Variants in PASK observed in about 807,000 individuals in gnomAD.
PASK encodes PAS domain-containing serine/threonine-protein kinase.
Under a neutral mutation model 121.0 loss-of-function variants are expected in PASK, and 110 were observed. The observed-to-expected ratio is 0.91, with a 90% confidence interval of 0.78 to 1.06. The LOEUF (loss-of-function observed/expected upper bound fraction) is 1.06. PASK is among the 50% of genes least tolerant of loss of function. The pLI, the probability that PASK is intolerant of heterozygous loss-of-function variation, is 0.00. For synonymous variants in PASK, 686 were observed against 717.8 expected, an observed-to-expected ratio of 0.96 and a Z score of 0.71; for missense variants, 1,643 against 1,702.3, an observed-to-expected ratio of 0.97 and a Z score of 0.61.
chr2:241,140,397 A>C, intron 3 of PASK, 124 bp downstream of exon 3: 1 of 787,142 alleles, frequency 1.3e-6, no homozygotes, highest in Non-Finnish European at 2.2e-6. Flanking sequence ...GGCTCAAGCA[A>C]ACTTCCCACC....
intron 12 of PASK, among the ~76,000 whole-genome samples, chr2:241,116,718 A>T (rs543452427): frequency 6.6e-6 from 1 of 152,308 alleles, no homozygotes; most frequent in African/African-American, 2.4e-5. Context: ...AAAAGAAAGA[A>T]CACTGCAAGT....
intron 11 of PASK, among the ~76,000 whole-genome samples, chr2:241,123,319 G>T (rs1002149717): frequency 1.2e-4 from 19 of 152,016 alleles, no homozygotes; most frequent in African/African-American, 4.6e-4. Flanking sequence ...GGGACTACAG[G>T]CGCCCACCAC....
chr2:241,139,903 C>T lies in PASK; in HGVS notation c.582G>A (p.Ala194=), dbSNP rs747626105. ...CACTCACCACCGTGCCAAACACCACCGCAGCGTGGCCGTCGGCCTCCATGT... is the reference window on the plus strand; with the variant it reads ...CACTCACCACCGTGCCAAACACCACTGCAGCGTGGCCGTCGGCCTCCATGT... ...EEHMEADGHA[A]VVFGTVVDII... is the part of the protein sequence containing the mutation. The change falls in exon 4 of 18, where the codon GCG becomes GCA. Residue 194 remains alanine (A), a synonymous_variant. Transcript: ENST00000234040. 27 of 1,614,054 alleles carry T rather than the reference C, an allele frequency of 1.7e-5. No homozygotes were observed. Among genetic ancestry groups the T allele is most frequent in the Middle Eastern group, 1.6e-4 (1 of 6,084 alleles).
intron 12 of PASK, among the ~76,000 whole-genome samples, 199 bp downstream of exon 12, chr2:241,122,533 G>C (rs2065659145): frequency 6.6e-6 from 1 of 152,198 alleles, no homozygotes; most frequent in South Asian, 2.1e-4. Flanking sequence ...AATTGGACGG[G>C]ATCAGCAACC....
chr2:241,137,839 T>C (rs1389505666), intron 6 of PASK, 114 bp downstream of exon 6: 1 of 1,152,990 alleles, frequency 8.7e-7, no homozygotes, highest in African/African-American at 1.5e-5. Flanking sequence ...ACTGAGCATG[T>C]CCCACCCCTA....
chr2:241,139,467 G>C (rs902358984), intron 4 of PASK: 3 of 473,014 alleles, frequency 6.3e-6, no homozygotes, highest in Non-Finnish European at 1.3e-5. Context: ...ACTGTCTAGG[G>C]AAATGCTTCC....
At chr2:241,122,467 A>C (rs983404560) in intron 12 of PASK, among the ~76,000 whole-genome samples, 2 of 152,256 alleles carry the variant, frequency 1.3e-5, no homozygotes, top group African/African-American at 4.8e-5. Context: ...GTGGGATCTC[A>C]ACACAATGGC....
Position 241,108,174 on chromosome 2 carries a change from C to T in PASK, c.3660G>A (p.Val1220=), listed in dbSNP as rs1033810896. Reference sequence around the variant, plus strand: ...CTTGCAGCTCACGCTCACCTTTGGACACCAGGTATGGCGGGTGTATGGCAG... The same window carrying T: ...CTTGCAGCTCACGCTCACCTTTGGATACCAGGTATGGCGGGTGTATGGCAG... ...VEAAIHPPYL[V]SKELMSLVSG... Residue 1220 remains valine, a synonymous_variant, in exon 16 of 18, where the codon GTG becomes GTA. Coordinates refer to ENST00000234040, the MANE Select transcript of PASK (RefSeq NM_015148.4). This position sits in a 1 kb window ranked among gnomAD's most constrained non-coding sequence, Gnocchi z 5.2. 1 of 1,614,076 alleles carries T rather than the reference C, an allele frequency of 6.2e-7. No homozygotes were observed. The highest frequency in any genetic ancestry group is 1.3e-5 in the African/African-American group (1 of 74,936).
intron 15 of PASK, chr2:241,109,132 C>T (rs2065004164): frequency 6.5e-6 from 1 of 153,254 alleles, no homozygotes; most frequent in African/African-American, 2.4e-5. Context: ...TCCATGCTAC[C>T]ATTTATTTCC....
intron 11 of PASK, 137 bp downstream of exon 11, chr2:241,123,812 C>T: frequency 1.4e-6 from 1 of 728,354 alleles, no homozygotes; most frequent in Non-Finnish European, 2.3e-6. Context: ...GAGCAAGACT[C>T]CGTCCCAGAA....
intron 8 of PASK, chr2:241,134,680 A>G (rs1023587817): frequency 6.6e-6 from 1 of 152,274 alleles, no homozygotes; most frequent in African/African-American, 2.4e-5. Context: ...GCAAGCCAGC[A>G]CCTGCCGACC....
At chr2:241,146,165 G>A (rs930776169) in intron 1 of PASK, among the ~76,000 whole-genome samples, 1 of 152,182 alleles carries the variant, frequency 6.6e-6, no homozygotes, top group African/African-American at 2.4e-5. Context: ...CGTTTTACAG[G>A]AGAGGAAATC....
At chr2:241,107,638 C>G in intron 16 of PASK, 139 bp from the exon 17 acceptor site, 1 of 781,504 alleles carries the variant, frequency 1.3e-6, no homozygotes, top group African/African-American at 1.7e-5. Context: ...GTGCAGGGCC[C>G]AGCTGTGCTT....
At chr2:241,135,364 G>A (rs1415790501) in intron 8 of PASK, among the ~76,000 whole-genome samples, 1 of 152,032 alleles carries the variant, frequency 6.6e-6, no homozygotes, top group East Asian at 1.9e-4. Context: ...CAGCCCACCC[G>A]TGGAACGCAG....
At chr2:241,122,655 G>A in intron 12 of PASK, 77 bp downstream of exon 12, 22 of 1,417,780 alleles carry the variant, frequency 1.6e-5, no homozygotes, top group Non-Finnish European at 2.1e-5. Flanking sequence ...AAAACCCCAG[G>A]TTTGAGAACT....
chr2:241,122,709 CT>C, intron 12 of PASK, 22 bp downstream of exon 12: 1 of 1,611,138 alleles, frequency 6.2e-7, no homozygotes, highest in Non-Finnish European at 8.5e-7. Context: ...CCCGGCGCCA[CT>C]CCCCCCCCAC....
chr2:241,115,759 G>A (rs59827072), intron 12 of PASK, among the ~76,000 whole-genome samples: 8,533 of 114,004 alleles, frequency 0.075, 306 homozygotes, highest in East Asian at 0.2. Flanking sequence ...AGGGGCCACC[G>A]GTCCTCAAGC....
intron 1 of PASK, among the ~76,000 whole-genome samples, chr2:241,144,604 C>G (rs998332789): frequency 1.3e-5 from 2 of 152,208 alleles, no homozygotes; most frequent in African/African-American, 4.8e-5. Flanking sequence ...CCACCCAGGT[C>G]CTCCCACACT....
At chr2:241,117,322 G>C (rs568771947) in intron 12 of PASK, among the ~76,000 whole-genome samples, 186 of 152,296 alleles carry the variant, frequency 1.2e-3, no homozygotes, top group African/African-American at 4.2e-3. Context: ...AGAAGACGAG[G>C]GGAAGCAGGC....
Sources: allele counts gnomAD v4.1 joint callset (sites outside exome capture counted in the v4.1 genomes callset), GRCh38; gene constraint gnomAD v4.1.1; non-coding constraint Gnocchi (gnomAD v3.1); transcripts MANE v1.5; gene names NCBI Gene and HGNC (gene_info 2026-07-23, HGNC 2026-07-21).